TOM1L1: variants seen among roughly 807,000 people sequenced by gnomAD.
TOM1L1 encodes target of myb1 like 1 membrane trafficking protein, also known as TOM1-like protein 1.
TOM1L1 carries 64 observed loss-of-function variants against 63.4 expected under a neutral mutation model. The ratio of observed to expected loss-of-function variants is 1.01; its 90% CI spans 0.83 to 1.24. The LOEUF (loss-of-function observed/expected upper bound fraction) is 1.24. TOM1L1 is among the 50% of genes most tolerant of loss of function. TOM1L1 has a pLI of 0.00. For missense variants in TOM1L1, 536 were observed against 567.0 expected, an observed-to-expected ratio of 0.95 and a Z score of 0.55; for synonymous variants, 166 against 194.4, an observed-to-expected ratio of 0.85 and a Z score of 1.22.
At chr17:54,920,254 G>A (rs577940615) in intron 7 of TOM1L1, among the ~76,000 whole-genome samples, 11 of 151,944 alleles carry the variant, frequency 7.2e-5, no homozygotes, top group South Asian at 2.1e-4. Flanking sequence ...GAGGGCCCAC[G>A]GGCATACTCT....
intron 3 of TOM1L1, among the ~76,000 whole-genome samples, chr17:54,912,433 C>T (rs2048511758): frequency 6.6e-6 from 1 of 152,122 alleles, no homozygotes; most frequent in Non-Finnish European, 1.5e-5. Context: ...GTGTTAATGC[C>T]CTTCTGGATG....
At chr17:54,958,530 A>T (rs1343544438) in intron 14 of TOM1L1, 1 of 152,288 alleles carries the variant, frequency 6.6e-6, no homozygotes. Context: ...CAGGAGTTTG[A>T]GACCAGCCTG....
At position 54,936,780 on chromosome 17, in the gene TOM1L1, C is replaced by T. The variant is rs920305365; in HGVS notation, c.915+71C>T. On this transcript the variant is annotated intron_variant, in intron 9 of 15. Coordinates refer to ENST00000575882, the MANE Select transcript of TOM1L1 (RefSeq NM_005486.3). ...CAATTACAGTGAGAAGCAAGGCTTACCTAAAACAAGTCTTAAAAAGAGGAA... is the reference window on the plus strand; with the variant it reads ...CAATTACAGTGAGAAGCAAGGCTTATCTAAAACAAGTCTTAAAAAGAGGAA... 3.7e-6 allele frequency: 5 copies of T among 1,355,476 alleles called. No homozygotes were observed. In the Admixed American group the frequency reaches 1.1e-4, roughly 30 times the overall value. The allele number at this position is 1,355,476 out of a possible 1,614,324, so 84.0% of individuals were successfully genotyped here.
chr17:54,903,471 C>T (rs1033800689), intron 1 of TOM1L1, among the ~76,000 whole-genome samples: 2 of 152,240 alleles, frequency 1.3e-5, no homozygotes, highest in African/African-American at 2.4e-5. Flanking sequence ...CTGTGGCCAG[C>T]TGTTGTGCTT....
In TOM1L1 at chr17:54,947,254, A is replaced by G. The variant is rs186516644; in HGVS notation, c.1131-7A>G. Reference sequence around the variant, plus strand: ...GGTAATCATTCTGTGTTATCACACTATCCTAGGTTTGCCCAAAGGACCAGC... The same window carrying G: ...GGTAATCATTCTGTGTTATCACACTGTCCTAGGTTTGCCCAAAGGACCAGC... On this transcript the variant is annotated splice_region_variant and splice_polypyrimidine_tract_variant and intron_variant, in intron 11 of 15. Transcript: ENST00000575882. 1,124 of 1,613,912 alleles carry G rather than the reference A, an allele frequency of 7.0e-4. 10 individuals carry two copies. The African/African-American group carries it at 0.013, about 19-fold the overall frequency.
At position 54,949,682 on chromosome 17, in the gene TOM1L1, G is replaced by A; in HGVS notation, c.1288+59G>A. The stretch of plus-strand genomic sequence containing the variant: ...GAAACTTATGAGAATATATGAGTCT[G>A]CCAGAGATTCATTGGTAACTGAAAA... On this transcript the variant is annotated intron_variant, in intron 13 of 15. Transcript: ENST00000575882. 3 of 1,332,876 alleles carry A rather than the reference G, an allele frequency of 2.3e-6. No individual in the cohort carries two copies. In the South Asian group the frequency reaches 3.6e-5, roughly 16 times the overall value. 82.6% of individuals were successfully genotyped at this position (1,332,876 alleles called of 1,614,324 possible). A position where few individuals can be genotyped will look rare whatever the true frequency, so the allele number is the denominator to read the frequency against.
rs759895762 is a variant in TOM1L1, at chr17:54,918,658, T to C, written c.720+2796T>C. 4.6e-5 allele frequency among the ~76,000 whole-genome samples: 7 copies of C among 152,186 alleles called. 1 individual carries two copies. The South Asian group carries it at 6.2e-4, about 13-fold the overall frequency. On this transcript the variant is annotated intron_variant, in intron 7 of 15. Transcript: ENST00000575882. ...CTGGTGGTGTTGTGATGACAGATTC[T>C]CAGGAAGCAAGACAAGACTCTAGAA...
In TOM1L1 at chr17:54,929,964, A is replaced by G. The variant is rs1019863916; in HGVS notation, c.721-109A>G. On this transcript the variant is annotated intron_variant, in intron 7 of 15. Transcript: ENST00000575882. ...GTTAAGTACTTTGGTAGTGCCCCACAGGCTACTTAACGTGGAGGTGACTGT... is the reference window on the plus strand; with the variant it reads ...GTTAAGTACTTTGGTAGTGCCCCACGGGCTACTTAACGTGGAGGTGACTGT... 3.6e-6 allele frequency: 5 copies of G among 1,385,954 alleles called. No individual in the cohort carries two copies. In the African/African-American group the frequency reaches 4.3e-5, roughly 12 times the overall value. The allele number at this position is 1,385,954 out of a possible 1,614,324, so 85.9% of individuals were successfully genotyped here. A position where few individuals can be genotyped will look rare whatever the true frequency, so the allele number is the denominator to read the frequency against.
At chr17:54,955,090 C>G (rs2111095) in intron 14 of TOM1L1, 1 of 152,210 alleles carries the variant, frequency 6.6e-6, no homozygotes, top group African/African-American at 2.4e-5. Context: ...TGCACACAGT[C>G]TGAGGGGCTT....
intron 8 of TOM1L1, among the ~76,000 whole-genome samples, chr17:54,932,562 AG>A: frequency 6.6e-6 from 1 of 152,120 alleles, no homozygotes; most frequent in Non-Finnish European, 1.5e-5. Flanking sequence ...CTGGGATTAC[AG>A]GCACACACCA....
At position 54,913,825 on chromosome 17, in the gene TOM1L1, C is replaced by T. The variant is rs144295115; in HGVS notation, c.450C>T (p.Gly150=). 8.7e-6 allele frequency: 14 copies of T among 1,612,016 alleles called. No individual in the cohort carries two copies. The highest frequency in any genetic ancestry group is 5.3e-5 in the African/African-American group (4 of 74,884). Reference sequence around the variant, plus strand: ...TATACCTCGACCTGGTTAAGAAAGGCGTTCAGTTTCCTCCCTCAGAAGCAG... The same window carrying T: ...TATACCTCGACCTGGTTAAGAAAGGTGTTCAGTTTCCTCCCTCAGAAGCAG... The part of the protein sequence containing the change: ...KEVYLDLVKK[G]VQFPPSEAEA... Residue 150 remains glycine (G), a synonymous_variant, in exon 5 of 16, where the codon GGC becomes GGT. Coordinates refer to ENST00000575882, the MANE Select transcript of TOM1L1 (RefSeq NM_005486.3).
At chr17:54,932,693 T>C (rs1034449318) in intron 8 of TOM1L1, among the ~76,000 whole-genome samples, 12 of 152,160 alleles carry the variant, frequency 7.9e-5, no homozygotes, top group Admixed American at 2.6e-4. Context: ...AGTGCTGGGA[T>C]TACAGGCGTG....
At chr17:54,921,348 T>C (rs1025634563) in intron 7 of TOM1L1, among the ~76,000 whole-genome samples, 2 of 152,182 alleles carry the variant, frequency 1.3e-5, no homozygotes, top group Non-Finnish European at 2.9e-5. Context: ...AAATACAAAT[T>C]CTATATAGCA....
intron 7 of TOM1L1, among the ~76,000 whole-genome samples, chr17:54,928,703 C>T (rs965160324): frequency 3.9e-5 from 6 of 152,178 alleles, no homozygotes; most frequent in Non-Finnish European, 7.3e-5. Flanking sequence ...CTGTTGACCC[C>T]TACACTATAC....
intron 6 of TOM1L1, 69 bp downstream of exon 6, chr17:54,914,812 G>A (rs1290422510): frequency 8.0e-7 from 1 of 1,257,752 alleles, no homozygotes; most frequent in Non-Finnish European, 1.2e-6. Context: ...TATACAGTTT[G>A]TCTTTTCTGG....
At chr17:54,936,757 A>G (rs752279596) in intron 9 of TOM1L1, 48 bp downstream of exon 9, 11 of 1,521,216 alleles carry the variant, frequency 7.2e-6, no homozygotes, top group Non-Finnish European at 9.9e-6. Context: ...CATTTTGCCA[A>G]TTACAGTGAG....
intron 2 of TOM1L1, among the ~76,000 whole-genome samples, chr17:54,904,242 T>C (rs1317052456): frequency 6.6e-6 from 1 of 151,756 alleles, no homozygotes; most frequent in Non-Finnish European, 1.5e-5. Context: ...TGGTGGCGGG[T>C]GCCTGTAGTA....
chr17:54,903,549 AT>A (rs2048360751), intron 1 of TOM1L1, 158 bp from the exon 2 acceptor site: 1 of 662,990 alleles, frequency 1.5e-6, no homozygotes, highest in Admixed American at 2.6e-5. Flanking sequence ...GTTCTGATTG[AT>A]TCCTGAATTA....
rs111768480 is a variant in TOM1L1, at chr17:54,960,452, G to A, written c.1371-114G>A. 1.2e-4 allele frequency: 93 copies of A among 744,124 alleles called. 7 individuals are homozygous for A. The highest frequency in any genetic ancestry group is 1.0e-3 in the African/African-American group (59 of 57,690). 46.1% of individuals were successfully genotyped at this position (744,124 alleles called of 1,614,324 possible). ...GGCAGAGACTTATTTTTACTCATATGTAGCCTGAACTCCAAAACCAGCTCA... is the reference window on the plus strand; with the variant it reads ...GGCAGAGACTTATTTTTACTCATATATAGCCTGAACTCCAAAACCAGCTCA... On this transcript the variant is annotated intron_variant, in intron 14 of 15. Coordinates refer to ENST00000575882, the MANE Select transcript of TOM1L1 (RefSeq NM_005486.3).
Sources: gnomAD v4.1 joint callset for allele counts (sites outside exome capture counted in the v4.1 genomes callset) on GRCh38, gnomAD v4.1.1 for gene constraint, MANE v1.5 for transcripts, NCBI Gene and HGNC (gene_info 2026-07-23, HGNC 2026-07-21) for gene names.